The following MAGI2 variants were observed in gnomAD, a reference collection of about 807,000 sequenced individuals.
The protein encoded by MAGI2 is membrane-associated guanylate kinase, WW and PDZ domain-containing protein 2.
A neutral mutation model predicts 133.3 loss-of-function variants in MAGI2; 35 were observed. The ratio of observed to expected loss-of-function variants is 0.26; its 90% CI spans 0.20 to 0.35. MAGI2 has a LOEUF of 0.35. Among genes scored for constraint, MAGI2 ranks in the 10% least tolerant of loss-of-function variants. The pLI is 1.00. For missense variants in MAGI2, 1,636 were observed against 1,863.4 expected (o/e 0.88, Z 2.25); for synonymous variants, 729 against 710.6 (o/e 1.03, Z -0.41).
At chr7:78,619,126 T>C (rs1296727225) in intron 3 of MAGI2, 1 of 151,618 alleles carries the variant, frequency 6.6e-6, no homozygotes, top group Non-Finnish European at 1.5e-5. Flanking sequence ...TGCCATGTTT[T>C]GAAACATCAC....
chr7:79,140,747 A>G (rs1044528383), intron 1 of MAGI2, among the ~76,000 whole-genome samples: 8 of 152,110 alleles, frequency 5.3e-5, no homozygotes, highest in Non-Finnish European at 8.8e-5. Context: ...TATGGCTTTG[A>G]TCTATTTGGT....
chr7:78,371,356 C>A (rs939239520), intron 6 of MAGI2, among the ~76,000 whole-genome samples: 1 of 151,568 alleles, frequency 6.6e-6, no homozygotes, highest in Non-Finnish European at 1.5e-5. Flanking sequence ...TAATATGGTT[C>A]GATACATGGA....
chr7:78,808,609 CA>C (rs1462348296), intron 2 of MAGI2, among the ~76,000 whole-genome samples: 1 of 151,982 alleles, frequency 6.6e-6, no homozygotes, highest in Non-Finnish European at 1.5e-5. Context: ...GAAAGATAAG[CA>C]AAAACAAAGG....
intron 16 of MAGI2, chr7:78,158,442 T>A: frequency 6.6e-6 from 1 of 152,108 alleles, no homozygotes; most frequent in East Asian, 1.9e-4. Context: ...CTGTCACCTG[T>A]TGTATAGGAT....
intron 1 of MAGI2, among the ~76,000 whole-genome samples, chr7:79,316,207 T>A (rs546719553): frequency 6.6e-6 from 1 of 152,252 alleles, no homozygotes; most frequent in Non-Finnish European, 1.5e-5. Context: ...ATTCTTCCCA[T>A]CTTTTCAATG....
Position 78,936,810 on chromosome 7 carries a change from G to T in MAGI2, c.418+70280C>A, listed in dbSNP as rs577816184. ...GAGGGAAGGCAAGAATAACTATGGT[G>T]TTGGATTGCAATCAGAAATATCAAA... On this transcript the variant is annotated intron_variant, in intron 2 of 21. Coordinates refer to ENST00000354212, the MANE Select transcript of MAGI2 (RefSeq NM_012301.4). Among the ~76,000 whole-genome samples the T allele has an allele frequency of 5.3e-5, 8 of 152,142 alleles. No homozygotes were observed. The South Asian group carries it at 1.0e-3, about 20-fold the overall frequency.
At chr7:78,775,651 A>G (rs1825933883) in intron 2 of MAGI2, among the ~76,000 whole-genome samples, 1 of 152,166 alleles carries the variant, frequency 6.6e-6, no homozygotes, top group African/African-American at 2.4e-5. Context: ...GCATATAGCT[A>G]TTACAACAGC....
At chr7:79,409,861 T>C (rs570948339) in intron 1 of MAGI2, 3 of 152,268 alleles carry the variant, frequency 2.0e-5, no homozygotes, top group East Asian at 1.9e-4. Context: ...TTTTTTCTTA[T>C]GAAAACAAAG....
intron 1 of MAGI2, among the ~76,000 whole-genome samples, chr7:79,432,159 A>T (rs923274145): frequency 2.0e-5 from 3 of 152,074 alleles, no homozygotes; most frequent in Non-Finnish European, 2.9e-5. Flanking sequence ...AAAAACCATC[A>T]CTCTCATCAG....
chr7:78,288,558 G>A, intron 9 of MAGI2, among the ~76,000 whole-genome samples: 1 of 152,176 alleles, frequency 6.6e-6, no homozygotes, highest in East Asian at 1.9e-4. Context: ...CAATGCAGAA[G>A]ATGGATGATT....
At chr7:78,565,812 T>C (rs2150751418) in intron 3 of MAGI2, among the ~76,000 whole-genome samples, 1 of 152,274 alleles carries the variant, frequency 6.6e-6, no homozygotes, top group Admixed American at 6.5e-5. Flanking sequence ...AAATGGAAAA[T>C]GACACATTTA....
At chr7:78,380,635 C>T (rs185881252) in intron 6 of MAGI2, among the ~76,000 whole-genome samples, 14 of 151,930 alleles carry the variant, frequency 9.2e-5, no homozygotes, top group Admixed American at 8.5e-4. Context: ...TTAAAGGGTA[C>T]AAAAATATAG....
intron 21 of MAGI2, among the ~76,000 whole-genome samples, chr7:78,055,892 C>T (rs931866442): frequency 5.3e-5 from 8 of 152,096 alleles, no homozygotes; most frequent in Non-Finnish European, 7.4e-5. Flanking sequence ...AAGTAACCTC[C>T]GCTGAAGGCT....
At chr7:79,321,722 G>A (rs532766878) in intron 1 of MAGI2, among the ~76,000 whole-genome samples, 9 of 152,254 alleles carry the variant, frequency 5.9e-5, no homozygotes, top group African/African-American at 1.9e-4. Flanking sequence ...AGAACAAAGT[G>A]ATATAACTGA....
intron 1 of MAGI2, among the ~76,000 whole-genome samples, chr7:79,239,267 C>T (rs556972816): frequency 2.6e-5 from 4 of 152,080 alleles, no homozygotes; most frequent in Non-Finnish European, 2.9e-5. Context: ...ATGCATTTGA[C>T]AAACTTGTAA....
intron 10 of MAGI2, among the ~76,000 whole-genome samples, chr7:78,204,616 TA>T: frequency 6.6e-6 from 1 of 152,320 alleles, no homozygotes; most frequent in South Asian, 2.1e-4. Flanking sequence ...AAATTTTTTT[TA>T]TAATGATCTG....
chr7:78,960,477 G>C (rs1802744197), intron 2 of MAGI2, among the ~76,000 whole-genome samples: 1 of 152,014 alleles, frequency 6.6e-6, no homozygotes, highest in African/African-American at 2.4e-5. Context: ...TAAGGAGTGA[G>C]TACTGCTAGA....
intron 2 of MAGI2, among the ~76,000 whole-genome samples, chr7:78,796,113 C>G (rs1787590797): frequency 6.6e-6 from 1 of 151,986 alleles, no homozygotes; most frequent in African/African-American, 2.4e-5. Context: ...GCATGGACAA[C>G]AGAAGCAAAA....
At chr7:78,130,202 G>A in intron 18 of MAGI2, among the ~76,000 whole-genome samples, 1 of 152,088 alleles carries the variant, frequency 6.6e-6, no homozygotes, top group East Asian at 1.9e-4. Flanking sequence ...CATACTTTAT[G>A]CTTCCTGAGC....
Sources: allele counts gnomAD v4.1 joint callset (sites outside exome capture counted in the v4.1 genomes callset), GRCh38; gene constraint gnomAD v4.1.1; transcripts MANE v1.5; gene names NCBI Gene and HGNC (gene_info 2026-07-23, HGNC 2026-07-21).